STON2: variants seen among roughly 807,000 people sequenced by gnomAD.
STON2 encodes stonin 2.
A neutral mutation model predicts 65.7 loss-of-function variants in STON2; 29 were observed. That is an observed-to-expected ratio of 0.44 (90% CI 0.33 to 0.60). The LOEUF is 0.60. STON2 is among the 20% of genes least tolerant of loss of function. The pLI is 0.03. For synonymous variants in STON2, 404 were observed against 414.2 expected (o/e 0.98, Z 0.30); for missense variants, 1,054 against 1,118.1 (o/e 0.94, Z 0.82).
intron 6 of STON2, among the ~76,000 whole-genome samples, chr14:81,274,298 G>GA (rs1465200423): frequency 6.6e-6 from 1 of 152,132 alleles, no homozygotes; most frequent in Non-Finnish European, 1.5e-5. Flanking sequence ...ATTTAAGTAA[G>GA]AAACATCAAC....
intron 5 of STON2, among the ~76,000 whole-genome samples, chr14:81,320,947 G>A (rs532858511): frequency 1.3e-5 from 2 of 152,326 alleles, no homozygotes; most frequent in African/African-American, 4.8e-5. Context: ...GCTCCTTAAA[G>A]ACTACAGGCT....
At chr14:81,407,285 T>C (rs1900917435) in intron 2 of STON2, among the ~76,000 whole-genome samples, 1 of 152,206 alleles carries the variant, frequency 6.6e-6, no homozygotes. Flanking sequence ...ACAGGTCATT[T>C]CACAGTAATG....
intron 5 of STON2, among the ~76,000 whole-genome samples, chr14:81,311,297 TTGCTC>T (rs367860160): frequency 6.6e-5 from 10 of 152,244 alleles, no homozygotes; most frequent in East Asian, 1.9e-4. Flanking sequence ...CATCTCTGCT[TTGCTC>T]TGCTCTGCTC....
At chr14:81,422,673 G>A (rs928234779) in intron 2 of STON2, among the ~76,000 whole-genome samples, 2 of 152,180 alleles carry the variant, frequency 1.3e-5, no homozygotes, top group Non-Finnish European at 2.9e-5. Flanking sequence ...ATTTGAAGAA[G>A]TGAAACCATC....
chr14:81,262,015 A>C lies in STON2; in HGVS notation c.*6399T>G, dbSNP rs75512339. 7.3e-7 allele frequency: 1 copy of C among 1,369,412 alleles called. No individual in the cohort carries two copies. 84.8% of individuals were successfully genotyped at this position (1,369,412 alleles called of 1,614,324 possible). ...GACCAGGTGATTTTTCCAATCTTCA[A>C]AATTTAAATTTCTTGGTTCTTATAA... On this transcript the variant is annotated 3_prime_UTR_variant, in exon 8 of 8. Coordinates refer to ENST00000614646, the MANE Select transcript of STON2 (RefSeq NM_001394390.1).
chr14:81,262,424 A>T lies in STON2; in HGVS notation c.*5990T>A. On this transcript the variant is annotated 3_prime_UTR_variant, in exon 8 of 8. Transcript: ENST00000614646. Reference sequence around the variant, plus strand: ...TTGAGTTGAATTAATCCTGCCATCTATCCCTTTTTACTATGCAATCTTTAT... The same window carrying T: ...TTGAGTTGAATTAATCCTGCCATCTTTCCCTTTTTACTATGCAATCTTTAT... 2.0e-6 allele frequency: 2 copies of T among 982,836 alleles called. No homozygotes were observed. Among genetic ancestry groups the T allele is most frequent in the South Asian group, 9.4e-5 (2 of 21,266 alleles). The allele number at this position is 982,836 out of a possible 1,614,324, so 60.9% of individuals were successfully genotyped here.
chr14:81,270,090 C>T (rs1214477269), intron 7 of STON2: 2 of 969,962 alleles, frequency 2.1e-6, no homozygotes, highest in Non-Finnish European at 2.5e-6. Context: ...TACCCCATTA[C>T]TCTTTTTCTT....
At chr14:81,280,781 C>A (rs770322630) in intron 5 of STON2, among the ~76,000 whole-genome samples, 27 of 152,220 alleles carry the variant, frequency 1.8e-4, no homozygotes, top group Non-Finnish European at 3.2e-4. Context: ...GAGGCCGGGA[C>A]GGGCAGATCA....
At chr14:81,420,686 T>C (rs978709152) in intron 2 of STON2, among the ~76,000 whole-genome samples, 1 of 152,090 alleles carries the variant, frequency 6.6e-6, no homozygotes, top group Non-Finnish European at 1.5e-5. Context: ...GAATAGAAAT[T>C]AGTTCTGTGA....
chr14:81,389,852 A>C (rs1182816902), intron 3 of STON2, among the ~76,000 whole-genome samples: 2 of 152,122 alleles, frequency 1.3e-5, no homozygotes, highest in Non-Finnish European at 2.9e-5. Context: ...TCAGACAAGT[A>C]ATTCTCCCAG....
chr14:81,382,501 A>C (rs1899573292), intron 3 of STON2, among the ~76,000 whole-genome samples: 1 of 152,168 alleles, frequency 6.6e-6, no homozygotes, highest in Non-Finnish European at 1.5e-5. Flanking sequence ...TGTCAAGAAA[A>C]GTAAGGTAGT....
At chr14:81,347,625 A>AAC (rs1176519243) in intron 4 of STON2, among the ~76,000 whole-genome samples, 1 of 149,578 alleles carries the variant, frequency 6.7e-6, no homozygotes, top group East Asian at 1.9e-4. Context: ...TAAAAAAAAA[A>AAC]AAAAAAAAAA....
intron 4 of STON2, among the ~76,000 whole-genome samples, chr14:81,336,527 T>C (rs1038576854): frequency 6.6e-6 from 1 of 151,938 alleles, no homozygotes; most frequent in Admixed American, 6.6e-5. Context: ...AAGTCAGCAA[T>C]GTAAAGTACA....
intron 1 of STON2, among the ~76,000 whole-genome samples, chr14:81,429,221 C>T (rs562706591): frequency 1.3e-5 from 2 of 152,200 alleles, no homozygotes; most frequent in South Asian, 2.1e-4. Context: ...CTTAGTGTCA[C>T]CATCCTTACG....
chr14:81,382,218 C>CA (rs1044720255), intron 3 of STON2, among the ~76,000 whole-genome samples: 15 of 129,532 alleles, frequency 1.2e-4, no homozygotes, highest in African/African-American at 1.9e-4. Context: ...GACTCTGTCT[C>CA]AAAAAAAAAG....
chr14:81,403,147 T>A (rs4290414), upstream of STON2, among the ~76,000 whole-genome samples: 29,516 of 152,194 alleles, frequency 0.19, 3,759 homozygotes, highest in East Asian at 0.45. Context: ...CTGTGTTTTT[T>A]AATATACTTT....
intron 2 of STON2, among the ~76,000 whole-genome samples, chr14:81,416,703 G>T (rs1901453876): frequency 1.3e-5 from 2 of 152,170 alleles, no homozygotes; most frequent in Non-Finnish European, 2.9e-5. Context: ...AAGTCATCTG[G>T]GCCATTTCAG....
intron 3 of STON2, among the ~76,000 whole-genome samples, chr14:81,387,323 T>A (rs2140413538): frequency 6.6e-6 from 1 of 152,216 alleles, no homozygotes; most frequent in Admixed American, 6.5e-5. Flanking sequence ...ATGTGAACAG[T>A]GTTCTTGTGG....
At chr14:81,408,950 C>G (rs557847675) in intron 2 of STON2, among the ~76,000 whole-genome samples, 1 of 152,160 alleles carries the variant, frequency 6.6e-6, no homozygotes, top group Non-Finnish European at 1.5e-5. Flanking sequence ...TTGGTACATT[C>G]ATCTTGGTTT....
Sources: gnomAD v4.1 joint callset for allele counts (sites outside exome capture counted in the v4.1 genomes callset) on GRCh38, gnomAD v4.1.1 for gene constraint, MANE v1.5 for transcripts, NCBI Gene and HGNC (gene_info 2026-07-23, HGNC 2026-07-21) for gene names.